Variants in ZFHX3 observed in about 807,000 individuals in gnomAD.
The protein encoded by ZFHX3 is zinc finger homeobox 3.
In ZFHX3, 42 loss-of-function variants were observed where a neutral mutation model predicts 279.1. That is an observed-to-expected ratio of 0.15 (90% CI 0.12 to 0.19). ZFHX3 has a LOEUF of 0.19. Among genes scored for constraint, ZFHX3 ranks in the 10% least tolerant of loss-of-function variants. The pLI, the probability that ZFHX3 is intolerant of heterozygous loss-of-function variation, is 1.00. For synonymous variants in ZFHX3, 2,293 were observed against 1,957.8 expected, an observed-to-expected ratio of 1.17 and a Z score of -4.52; for missense variants, 4,981 against 4,754.0, an observed-to-expected ratio of 1.05 and a Z score of -1.40.
At position 73,532,066 on chromosome 16, in the gene ZFHX3, C is replaced by T. The variant is rs373607654; in HGVS notation, c.-1546-75808G>A. Among the ~76,000 whole-genome samples, 282 of 151,860 alleles carry T rather than the reference C, an allele frequency of 1.9e-3. 2 individuals are homozygous for T. Among genetic ancestry groups the T allele is most frequent in the African/African-American group, 4.8e-3 (200 of 41,404 alleles). On this transcript the variant is annotated intron_variant, in intron 2 of 17. Transcript: ENST00000641206. ...TTGTACCACTGCATTCCAGCCTGGGCAACAGAGTGAGACCCTGTCTCTAAA... is the reference window on the plus strand; with the variant it reads ...TTGTACCACTGCATTCCAGCCTGGGTAACAGAGTGAGACCCTGTCTCTAAA...
chr16:73,322,191 T>C (rs1055250855), intron 3 of ZFHX3, among the ~76,000 whole-genome samples: 8 of 151,612 alleles, frequency 5.3e-5, no homozygotes, highest in Non-Finnish European at 1.2e-4. Flanking sequence ...GTCTGCATAA[T>C]GAAGGCATGG....
chr16:73,755,674 G>C (rs1043129824), intron 1 of ZFHX3, among the ~76,000 whole-genome samples: 1 of 152,186 alleles, frequency 6.6e-6, no homozygotes, highest in African/African-American at 2.4e-5. Flanking sequence ...CCAAGCCTCT[G>C]ACTTCAGCCA....
intron 3 of ZFHX3, among the ~76,000 whole-genome samples, chr16:73,323,591 A>G (rs1322484857): frequency 6.6e-6 from 1 of 152,250 alleles, no homozygotes; most frequent in Non-Finnish European, 1.5e-5. Flanking sequence ...ATGCAGGTTA[A>G]TAATTTGAGT....
At chr16:73,889,406 A>G (rs2030455538) in intron 1 of ZFHX3, among the ~76,000 whole-genome samples, 1 of 152,198 alleles carries the variant, frequency 6.6e-6, no homozygotes, top group Admixed American at 6.5e-5. Flanking sequence ...GAGTCAGCAC[A>G]GCTGCCTTCA....
At chr16:72,820,696 G>GT (rs879918902) in intron 5 of ZFHX3, among the ~76,000 whole-genome samples, 36 of 152,152 alleles carry the variant, frequency 2.4e-4, no homozygotes, top group Admixed American at 2.2e-3. Flanking sequence ...ATGGTATCTT[G>GT]TGAGGATGGG....
At chr16:73,017,197 C>A (rs1462575605) in intron 1 of ZFHX3, among the ~76,000 whole-genome samples, 3 of 145,540 alleles carry the variant, frequency 2.1e-5, no homozygotes, top group Admixed American at 7.0e-5. Flanking sequence ...TGTGCCACTG[C>A]AATCCAGACT....
At chr16:72,800,319 T>C (rs1437568419) in intron 7 of ZFHX3, among the ~76,000 whole-genome samples, 190 bp from the exon 8 acceptor site, 1 of 152,264 alleles carries the variant, frequency 6.6e-6, no homozygotes, top group Admixed American at 6.5e-5. Flanking sequence ...TTTCTACGGT[T>C]ACATTCTGGA....
chr16:72,999,714 C>T (rs143312370), intron 1 of ZFHX3, among the ~76,000 whole-genome samples: 1 of 152,188 alleles, frequency 6.6e-6, no homozygotes, highest in Non-Finnish European at 1.5e-5. Context: ...TCGATGCCAG[C>T]GTGGGCAGGG....
chr16:73,461,635 A>C (rs1342451837), intron 2 of ZFHX3, among the ~76,000 whole-genome samples: 2 of 152,226 alleles, frequency 1.3e-5, no homozygotes, highest in East Asian at 3.8e-4. Context: ...GCAGTCACTG[A>C]AAGGCTAGCT....
intron 3 of ZFHX3, among the ~76,000 whole-genome samples, chr16:73,438,369 G>T (rs1266948526): frequency 1.3e-5 from 2 of 152,192 alleles, no homozygotes; most frequent in Non-Finnish European, 2.9e-5. Flanking sequence ...ACTGGGATAA[G>T]TCCTTCAATC....
intron 2 of ZFHX3, among the ~76,000 whole-genome samples, chr16:73,594,780 A>G (rs1323493795): frequency 1.3e-5 from 2 of 152,318 alleles, no homozygotes; most frequent in Admixed American, 6.5e-5. Context: ...TCTAATGTCC[A>G]TGATAGTTTC....
intron 5 of ZFHX3, among the ~76,000 whole-genome samples, chr16:73,186,462 G>A (rs530189883): frequency 5.9e-5 from 9 of 151,970 alleles, no homozygotes; most frequent in African/African-American, 2.2e-4. Flanking sequence ...GAACTGAGAC[G>A]ACATAAAATA....
chr16:72,956,815 A>G (rs938162650), intron 2 of ZFHX3, among the ~76,000 whole-genome samples: 7 of 132,490 alleles, frequency 5.3e-5, no homozygotes, highest in African/African-American at 2.0e-4. Context: ...ATCACCAAGT[A>G]CTCATCAAAA....
chr16:73,722,608 C>CT (rs999133421), intron 1 of ZFHX3, among the ~76,000 whole-genome samples: 8 of 151,614 alleles, frequency 5.3e-5, no homozygotes, highest in African/African-American at 7.3e-5. Flanking sequence ...GAAAAGTGTA[C>CT]TTTTTTTTTC....
chr16:72,829,786 C>T lies in ZFHX3; in HGVS notation c.3522G>A (p.Glu1174=). The change falls in exon 5 of 10, where the codon GAG becomes GAA. Residue 1174 remains glutamate (E), a synonymous_variant. Coordinates refer to ENST00000268489, the MANE Select transcript of ZFHX3 (RefSeq NM_006885.4). ...ADPEELAKDQ[E]GGASSSQAEK... ...TGCCCTGGTCTTTCTCACCTCCGCC[C>T]TCTTGGTCCTTAGCAAGCTCCTCTG... 5 of 1,614,224 alleles carry T rather than the reference C, an allele frequency of 3.1e-6. No homozygotes were observed. Among genetic ancestry groups the T allele is most frequent in the Non-Finnish European group, 4.2e-6 (5 of 1,180,042 alleles).
intron 3 of ZFHX3, among the ~76,000 whole-genome samples, chr16:73,411,976 G>A (rs899569746): frequency 2.0e-5 from 3 of 152,136 alleles, no homozygotes; most frequent in Admixed American, 6.6e-5. Context: ...AAAACTTAAG[G>A]AAGAGCAATT....
Position 73,858,506 on chromosome 16 carries a change from A to G in ZFHX3, c.-1608+33145T>C, listed in dbSNP as rs1056400898. On this transcript the variant is annotated intron_variant, in intron 1 of 17. Transcript: ENST00000641206. ...ATGTTTCCATGAATTGCACTGTGTC[A>G]CACTATATTTTAGGGCCTTGCATAG... Among the ~76,000 whole-genome samples, 3 of 152,332 alleles carry G rather than the reference A, an allele frequency of 2.0e-5. No individual in the cohort carries two copies. In the East Asian group the frequency reaches 5.8e-4, roughly 29 times the overall value.
At chr16:73,419,069 C>T (rs553762909) in intron 3 of ZFHX3, among the ~76,000 whole-genome samples, 6 of 152,310 alleles carry the variant, frequency 3.9e-5, no homozygotes, top group African/African-American at 7.2e-5. Context: ...ACAACTTCAG[C>T]GACGTTTGAC....
chr16:72,963,148 G>A (rs942083583), intron 1 of ZFHX3, among the ~76,000 whole-genome samples: 5 of 152,066 alleles, frequency 3.3e-5, no homozygotes, highest in African/African-American at 1.2e-4. Context: ...GTGGGTCCCC[G>A]CACTTTTCCA....
Sources: allele counts gnomAD v4.1 joint callset (sites outside exome capture counted in the v4.1 genomes callset), GRCh38; gene constraint gnomAD v4.1.1; transcripts MANE v1.5; gene names NCBI Gene and HGNC (gene_info 2026-07-23, HGNC 2026-07-21).